SDK1: variants seen among roughly 807,000 people sequenced by gnomAD.
The protein encoded by SDK1 is sidekick cell adhesion molecule 1, also known as protein sidekick-1.
SDK1 carries 157 observed loss-of-function variants against 245.5 expected under a neutral mutation model. The observed-to-expected ratio is 0.64, with a 90% CI of 0.56 to 0.73. The LOEUF is 0.73. SDK1 is among the 30% of genes least tolerant of loss of function. The pLI, the probability that SDK1 is intolerant of heterozygous loss-of-function variation, is 0.00. For synonymous variants in SDK1, 1,647 were observed against 1,278.5 expected, an observed-to-expected ratio of 1.29 and a Z score of -6.15; for missense variants, 3,583 against 3,002.3, an observed-to-expected ratio of 1.19 and a Z score of -4.52.
chr7:3,867,549 C>T (rs1303160921), intron 5 of SDK1, among the ~76,000 whole-genome samples: 1 of 152,112 alleles, frequency 6.6e-6, no homozygotes, highest in Non-Finnish European at 1.5e-5. Context: ...TGGCTGCAGG[C>T]AAAGAGAGAG....
At chr7:3,500,104 TA>T (rs1432468429) in intron 1 of SDK1, among the ~76,000 whole-genome samples, 1 of 152,034 alleles carries the variant, frequency 6.6e-6, no homozygotes, top group African/African-American at 2.4e-5. Context: ...GAGTGGGGTT[TA>T]GGGGGGGTCT....
At chr7:3,551,114 G>A (rs1325785389) in intron 1 of SDK1, among the ~76,000 whole-genome samples, 7 of 151,922 alleles carry the variant, frequency 4.6e-5, no homozygotes, top group Admixed American at 1.3e-4. Flanking sequence ...AACATTTTTC[G>A]TTTTTGTTCT....
chr7:4,178,152 C>G (rs1330699857), intron 34 of SDK1, among the ~76,000 whole-genome samples: 2 of 152,206 alleles, frequency 1.3e-5, no homozygotes, highest in African/African-American at 2.4e-5. Context: ...TGCTTTGCGA[C>G]CTGGTTCCTA....
At chr7:3,845,488 CAAAAAAAAAAA>C (rs369588343) in intron 5 of SDK1, among the ~76,000 whole-genome samples, 1 of 40,196 alleles carries the variant, frequency 2.5e-5, no homozygotes, top group South Asian at 1.3e-3. Flanking sequence ...GACTCCGTCT[CAAAAAAAAAAA>C]AAAAAAAAAA....
At chr7:4,157,559 C>T (rs604403) in intron 30 of SDK1, among the ~76,000 whole-genome samples, 24,244 of 150,066 alleles carry the variant, frequency 0.16, 2,215 homozygotes, top group Middle Eastern at 0.22. Context: ...CAGATGGAAG[C>T]GGGCCCGAAG....
At chr7:3,351,049 T>A (rs2128557901) in intron 1 of SDK1, among the ~76,000 whole-genome samples, 1 of 152,296 alleles carries the variant, frequency 6.6e-6, no homozygotes, top group Middle Eastern at 3.4e-3. Flanking sequence ...TATCTTAGTT[T>A]CACTGGGTAA....
intron 1 of SDK1, among the ~76,000 whole-genome samples, chr7:3,466,967 C>CCT (rs1554275623): frequency 0.092 from 12,501 of 135,330 alleles, 680 homozygotes; most frequent in South Asian, 0.16. Context: ...AAATCTCTCT[C>CCT]CTCTCTCTCT....
chr7:3,482,496 A>G (rs895224551), intron 1 of SDK1, among the ~76,000 whole-genome samples: 2 of 152,154 alleles, frequency 1.3e-5, no homozygotes, highest in Non-Finnish European at 2.9e-5. Flanking sequence ...CCGTAATGTA[A>G]AAGGTGAATG....
chr7:4,161,372 T>C (rs1244183276), intron 31 of SDK1, among the ~76,000 whole-genome samples: 2 of 152,080 alleles, frequency 1.3e-5, no homozygotes, highest in African/African-American at 4.8e-5. Context: ...CCTGGCATGA[T>C]CATGTGTCCT....
At chr7:3,812,999 G>A (rs1779422326) in intron 4 of SDK1, among the ~76,000 whole-genome samples, 1 of 152,162 alleles carries the variant, frequency 6.6e-6, no homozygotes, top group Admixed American at 6.5e-5. Flanking sequence ...AGCAGCAAGT[G>A]TTTGCTCTTG....
chr7:3,405,839 G>A (rs1779039556), intron 1 of SDK1, among the ~76,000 whole-genome samples: 1 of 133,368 alleles, frequency 7.5e-6, no homozygotes. Flanking sequence ...TTTTGAGAGA[G>A]TCTTGCTTTG....
At chr7:3,520,412 G>A (rs532830594) in intron 1 of SDK1, among the ~76,000 whole-genome samples, 1 of 152,146 alleles carries the variant, frequency 6.6e-6, no homozygotes. Context: ...ATGATAACAG[G>A]CTGTGTGTAA....
At chr7:3,545,036 C>T (rs1236133142) in intron 1 of SDK1, among the ~76,000 whole-genome samples, 1 of 152,100 alleles carries the variant, frequency 6.6e-6, no homozygotes, top group Non-Finnish European at 1.5e-5. Context: ...ATGGAGGGGG[C>T]AGGAGAGTGT....
At chr7:3,847,994 A>G (rs1011778446) in intron 5 of SDK1, among the ~76,000 whole-genome samples, 1 of 152,248 alleles carries the variant, frequency 6.6e-6, no homozygotes, top group Non-Finnish European at 1.5e-5. Flanking sequence ...TTCCTGCAAC[A>G]TACGTATCAC....
At chr7:3,987,672 C>T (rs1357181824) in intron 14 of SDK1, among the ~76,000 whole-genome samples, 2 of 152,142 alleles carry the variant, frequency 1.3e-5, no homozygotes, top group Admixed American at 6.5e-5. Flanking sequence ...TTCACCGTCG[C>T]CGCCACTGCT....
At chr7:3,624,160 C>A (rs1457215124) in intron 2 of SDK1, among the ~76,000 whole-genome samples, 8 of 152,142 alleles carry the variant, frequency 5.3e-5, no homozygotes, top group Admixed American at 5.2e-4. Flanking sequence ...AGAATTTTAG[C>A]CTAACATCAG....
intron 1 of SDK1, among the ~76,000 whole-genome samples, chr7:3,441,792 C>T (rs889074469): frequency 6.6e-6 from 1 of 152,178 alleles, no homozygotes; most frequent in Non-Finnish European, 1.5e-5. Flanking sequence ...GAGTCTCTCA[C>T]ATGTAAAACC....
chr7:4,099,475 G>C (rs1259391054), intron 22 of SDK1, among the ~76,000 whole-genome samples: 1 of 129,976 alleles, frequency 7.7e-6, no homozygotes, highest in African/African-American at 2.9e-5. Flanking sequence ...AGTCTCAGCG[G>C]GCTCCGGGGC....
chr7:3,822,961 T>A (rs752316675), intron 5 of SDK1, among the ~76,000 whole-genome samples: 21 of 152,116 alleles, frequency 1.4e-4, no homozygotes, highest in African/African-American at 4.3e-4. Flanking sequence ...TGGTCCCAAG[T>A]GGCCGTGATG....
Sources: gnomAD v4.1 joint callset for allele counts (sites outside exome capture counted in the v4.1 genomes callset) on GRCh38, gnomAD v4.1.1 for gene constraint, MANE v1.5 for transcripts, NCBI Gene and HGNC (gene_info 2026-07-23, HGNC 2026-07-21) for gene names.